Variants in TBC1D30 observed in about 807,000 individuals in gnomAD.
The protein encoded by TBC1D30 is TBC1 domain family member 30.
A neutral mutation model predicts 63.2 loss-of-function variants in TBC1D30; 31 were observed. That is an observed-to-expected ratio of 0.49 (90% CI 0.37 to 0.66). TBC1D30 has a LOEUF of 0.66. Among genes scored for constraint, TBC1D30 ranks in the 30% least tolerant of loss-of-function variants. The pLI is 0.00. For missense variants in TBC1D30, 810 were observed against 953.6 expected, an observed-to-expected ratio of 0.85 and a Z score of 1.98; for synonymous variants, 307 against 361.5, an observed-to-expected ratio of 0.85 and a Z score of 1.71.
At chr12:64,850,841 A>G (rs1200659833) in intron 8 of TBC1D30, among the ~76,000 whole-genome samples, 1 of 152,140 alleles carries the variant, frequency 6.6e-6, no homozygotes, top group Non-Finnish European at 1.5e-5. Flanking sequence ...ATAGTTTCAG[A>G]AGGAATGGTA....
At chr12:64,845,873 T>A (rs145902541) in intron 8 of TBC1D30, among the ~76,000 whole-genome samples, 2,116 of 152,304 alleles carry the variant, frequency 0.014, 38 homozygotes, top group African/African-American at 0.048. Context: ...TTGGCCAGGC[T>A]GGTCTCAAAC....
chr12:64,781,035 G>A (rs996858405), exon 1 of TBC1D30: 2 of 1,025,596 alleles, frequency 2.0e-6, no homozygotes, highest in Admixed American at 6.1e-5. Context: ...GGCCGCACAA[G>A]CCGCACGGCG....
intron 10 of TBC1D30, among the ~76,000 whole-genome samples, chr12:64,869,845 G>T (rs1878515130): frequency 6.6e-6 from 1 of 152,140 alleles, no homozygotes; most frequent in African/African-American, 2.4e-5. Flanking sequence ...AGGATAGTTG[G>T]AGTCTCTCAG....
intron 2 of TBC1D30, among the ~76,000 whole-genome samples, chr12:64,805,342 T>C (rs1872800613): frequency 6.6e-6 from 1 of 152,150 alleles, no homozygotes; most frequent in South Asian, 2.1e-4. Context: ...GTTAATAGAT[T>C]GTTGTTGTTG....
intron 9 of TBC1D30, among the ~76,000 whole-genome samples, 198 bp from the exon 10 acceptor site, chr12:64,866,566 T>C (rs1878235212): frequency 6.6e-6 from 1 of 152,082 alleles, no homozygotes; most frequent in South Asian, 2.1e-4. Context: ...GCCTCCGAAG[T>C]AGCTGGAATT....
chr12:64,822,471 GC>G (rs1303886071), upstream of TBC1D30, among the ~76,000 whole-genome samples: 2 of 151,824 alleles, frequency 1.3e-5, no homozygotes, highest in African/African-American at 4.8e-5. Context: ...CTGAGCCACA[GC>G]ACCTGACCCA....
exon 1 of TBC1D30, chr12:64,759,610 A>G (rs1175627012): frequency 2.8e-6 from 1 of 354,430 alleles, no homozygotes; most frequent in Admixed American, 4.5e-5. Flanking sequence ...AGGGCGGAGA[A>G]CCGGGAAAAG....
At chr12:64,815,558 A>G (rs1347041709) in intron 2 of TBC1D30, among the ~76,000 whole-genome samples, 1 of 152,234 alleles carries the variant, frequency 6.6e-6, no homozygotes, top group African/African-American at 2.4e-5. Flanking sequence ...ACCTCATTGC[A>G]TTGGAATATA....
intron 2 of TBC1D30, among the ~76,000 whole-genome samples, chr12:64,801,649 G>A (rs973693918): frequency 9.2e-5 from 14 of 152,130 alleles, no homozygotes; most frequent in Non-Finnish European, 2.9e-5. Flanking sequence ...TAGATTAAAA[G>A]CATTTTGAGA....
intron 1 of TBC1D30, 55 bp from the exon 2 acceptor site, chr12:64,827,780 A>G: frequency 1.7e-6 from 2 of 1,204,524 alleles, no homozygotes; most frequent in East Asian, 2.6e-5. Context: ...AGTATTTTTG[A>G]TATAACTTGT....
intron 2 of TBC1D30, among the ~76,000 whole-genome samples, chr12:64,812,490 T>G (rs775872777): frequency 3.3e-5 from 5 of 152,204 alleles, no homozygotes; most frequent in Non-Finnish European, 5.9e-5. Context: ...CACGATATAT[T>G]TGTAAGCCAC....
At chr12:64,779,129 G>A (rs1871160308), upstream of TBC1D30, 1 of 152,066 alleles carries the variant, frequency 6.6e-6, no homozygotes, top group Non-Finnish European at 1.5e-5. Context: ...TGAGAATAGT[G>A]CTGAAGACTA....
intron 1 of TBC1D30, among the ~76,000 whole-genome samples, chr12:64,761,817 TTACTC>T (rs1870524603): frequency 6.6e-6 from 1 of 152,218 alleles, no homozygotes; most frequent in Admixed American, 6.5e-5. Context: ...TTCTTTCACT[TTACTC>T]TATGGTCTTG....
chr12:64,825,297 G>A, intron 1 of TBC1D30: 1 of 431,466 alleles, frequency 2.3e-6, no homozygotes, highest in Non-Finnish European at 4.0e-6. Flanking sequence ...CCACCCTGCG[G>A]CCTGTGTGCT....
intron 2 of TBC1D30, among the ~76,000 whole-genome samples, chr12:64,807,918 G>GTTTTGTTTTTTTTTTTT (rs1872970014): frequency 1.1e-5 from 1 of 93,526 alleles, no homozygotes; most frequent in African/African-American, 5.5e-5. Flanking sequence ...CCTAATTTAA[G>GTTTTGTTTTTTTTTTTT]TTTTTTTTTT....
intron 10 of TBC1D30, among the ~76,000 whole-genome samples, chr12:64,867,325 TGG>T (rs1878304933): frequency 6.6e-6 from 1 of 151,930 alleles, no homozygotes; most frequent in Non-Finnish European, 1.5e-5. Context: ...TTAGCTGTGG[TGG>T]TGCGTGCCTG....
intron 1 of TBC1D30, among the ~76,000 whole-genome samples, chr12:64,765,659 G>A (rs1009438779): frequency 2.0e-5 from 3 of 151,638 alleles, no homozygotes; most frequent in Non-Finnish European, 4.4e-5. Context: ...ACTTGTTCAA[G>A]TATTTAAAGG....
chr12:64,845,686 A>G (rs1261034260), intron 8 of TBC1D30, among the ~76,000 whole-genome samples: 1 of 147,094 alleles, frequency 6.8e-6, no homozygotes, highest in Non-Finnish European at 1.5e-5. Context: ...AGATCGTGCC[A>G]CTGTACTCCA....
intron 1 of TBC1D30, among the ~76,000 whole-genome samples, chr12:64,771,555 C>T (rs117005164): frequency 6.6e-6 from 1 of 152,210 alleles, no homozygotes; most frequent in East Asian, 1.9e-4. Context: ...GCCCAGACTC[C>T]CATATCACTA....
Sources: allele counts gnomAD v4.1 joint callset (sites outside exome capture counted in the v4.1 genomes callset), GRCh38; gene constraint gnomAD v4.1.1; transcripts MANE v1.5; gene names NCBI Gene and HGNC (gene_info 2026-07-23, HGNC 2026-07-21).